RPS6KB1: variants seen among roughly 807,000 people sequenced by gnomAD.
RPS6KB1 encodes the protein ribosomal protein S6 kinase beta-1.
In RPS6KB1, 12 loss-of-function variants were observed where a neutral mutation model predicts 70.2. The ratio of observed to expected loss-of-function variants is 0.17; its 90% CI spans 0.11 to 0.28. The LOEUF (loss-of-function observed/expected upper bound fraction) is 0.28, where lower values mean the gene tolerates loss of function less well. RPS6KB1 is among the 10% of genes least tolerant of loss of function. The probability of loss-of-function intolerance (pLI) is 1.00; values close to 1 mark genes in which losing one functional copy is unlikely to be tolerated. For missense variants in RPS6KB1, 270 were observed against 646.6 expected (o/e 0.42, Z 6.32); for synonymous variants, 175 against 211.2 (o/e 0.83, Z 1.49).
At chr17:59,941,169 G>A (rs1241607754) in intron 13 of RPS6KB1, among the ~76,000 whole-genome samples, 1 of 151,220 alleles carries the variant, frequency 6.6e-6, no homozygotes, top group Non-Finnish European at 1.5e-5. Flanking sequence ...ACAAATCTTT[G>A]GAAAGTATGA....
Position 59,946,412 on chromosome 17 carries a change from CCTTTGTG to C in RPS6KB1, c.1341-136_1341-130del. 2 of 711,044 alleles carry C rather than the reference CCTTTGTG, an allele frequency of 2.8e-6. No individual in the cohort carries two copies. Among genetic ancestry groups the C allele is most frequent in the Non-Finnish European group, 4.8e-6 (2 of 416,638 alleles). 44.0% of individuals were successfully genotyped at this position (711,044 alleles called of 1,614,324 possible). A position where few individuals can be genotyped will look rare whatever the true frequency, so the allele number is the denominator to read the frequency against. ...TGGGGGAGAGATGGTTCAATTTTTGCCTTTGTGCTAATCCACGTGAAAATAAAATTAA... is the reference window on the plus strand; with the variant it reads ...TGGGGGAGAGATGGTTCAATTTTTGCCTAATCCACGTGAAAATAAAATTAA... On this transcript the variant is annotated intron_variant, in intron 14 of 14. Transcript: ENST00000225577. This position sits in a 1 kb window ranked among gnomAD's most constrained non-coding sequence, Gnocchi z 4.2.
At chr17:59,928,252 C>G (rs1272720896) in intron 5 of RPS6KB1, among the ~76,000 whole-genome samples, 4 of 151,974 alleles carry the variant, frequency 2.6e-5, no homozygotes, top group Non-Finnish European at 5.9e-5. Flanking sequence ...TTGTTTTATC[C>G]TATGTATATG....
At chr17:59,929,433 G>A (rs2043812900) in intron 5 of RPS6KB1, among the ~76,000 whole-genome samples, 2 of 152,220 alleles carry the variant, frequency 1.3e-5, no homozygotes, top group African/African-American at 4.8e-5. Flanking sequence ...AATCTTGCCT[G>A]CAACAATTAA....
At chr17:59,921,997 C>T (rs2043292313) in intron 4 of RPS6KB1, among the ~76,000 whole-genome samples, 1 of 151,148 alleles carries the variant, frequency 6.6e-6, no homozygotes, top group African/African-American at 2.4e-5. Flanking sequence ...TTTCATAGCA[C>T]TTCACCCCTA....
At chr17:59,910,680 G>A (rs1280178754) in intron 2 of RPS6KB1, 69 bp downstream of exon 2, 9 of 972,228 alleles carry the variant, frequency 9.3e-6, no homozygotes, top group Non-Finnish European at 1.3e-5. Context: ...GTTCTATTTC[G>A]TAGCAATCAT....
At chr17:59,914,797 ATTG>A (rs1044033529) in intron 4 of RPS6KB1, 94 bp downstream of exon 4, 2 of 1,012,564 alleles carry the variant, frequency 2.0e-6, no homozygotes, top group Non-Finnish European at 3.0e-6. Flanking sequence ...CATATTTTTA[ATTG>A]TTGTAACATT....
At chr17:59,927,621 C>G (rs1302783126) in intron 5 of RPS6KB1, among the ~76,000 whole-genome samples, 1 of 151,558 alleles carries the variant, frequency 6.6e-6, no homozygotes, top group Non-Finnish European at 1.5e-5. Flanking sequence ...ATTGTCCTGC[C>G]TCAGCCTCCT....
At chr17:59,927,038 C>T (rs1040209972) in intron 5 of RPS6KB1, among the ~76,000 whole-genome samples, 11 of 151,924 alleles carry the variant, frequency 7.2e-5, no homozygotes, top group African/African-American at 1.7e-4. Context: ...CCTACCACCT[C>T]GTAGGAACTT....
rs1332206672 is a variant in RPS6KB1, at chr17:59,945,609, A to C, written c.1340+91A>C. 73 of 697,018 alleles carry C rather than the reference A, an allele frequency of 1.0e-4. 1 individual carries two copies. In the South Asian group the frequency reaches 1.2e-3, roughly 11 times the overall value. The allele number at this position is 697,018 out of a possible 1,614,324, so 43.2% of individuals were successfully genotyped here. On this transcript the variant is annotated intron_variant, in intron 14 of 14. Transcript: ENST00000225577. The stretch of plus-strand genomic sequence containing the variant: ...AAGTTTATGCCAAGTTATATAAATG[A>C]AAGACTGTCATACTCTCTTTGGTTG...
At chr17:59,926,412 A>G (rs754781952) in intron 4 of RPS6KB1, 23 bp from the exon 5 acceptor site, 1 of 1,531,036 alleles carries the variant, frequency 6.5e-7, no homozygotes, top group Admixed American at 1.9e-5. Flanking sequence ...TTTTGTTCTT[A>G]TAGATGATCT....
chr17:59,938,191 G>GGC (rs1555653102), intron 12 of RPS6KB1, among the ~76,000 whole-genome samples: 4 of 143,232 alleles, frequency 2.8e-5, no homozygotes, highest in African/African-American at 7.8e-5. Flanking sequence ...TTTTGGGGGG[G>GGC]GGATAGGGTC....
chr17:59,943,926 A>G (rs1418133765), intron 13 of RPS6KB1, among the ~76,000 whole-genome samples: 1 of 140,566 alleles, frequency 7.1e-6, no homozygotes, highest in African/African-American at 2.6e-5. Flanking sequence ...ATATATACAC[A>G]CATACATACA....
chr17:59,923,593 C>T (rs892353185), intron 4 of RPS6KB1, among the ~76,000 whole-genome samples: 21 of 151,348 alleles, frequency 1.4e-4, no homozygotes, highest in African/African-American at 4.9e-4. Context: ...TCACTGCAGC[C>T]TCCACCTCCT....
intron 4 of RPS6KB1, among the ~76,000 whole-genome samples, chr17:59,914,992 C>A (rs1270868435): frequency 7.0e-6 from 1 of 142,902 alleles, no homozygotes; most frequent in African/African-American, 2.5e-5. Flanking sequence ...ATTTTCTTTT[C>A]TTTTTTTTTT....
Position 59,947,850 on chromosome 17 carries a change from A to T in RPS6KB1, c.*1062A>T, listed in dbSNP as rs938952808. 2.3e-6 allele frequency: 1 copy of T among 431,058 alleles called. No homozygotes were observed. The highest frequency in any genetic ancestry group is 4.2e-6 in the Non-Finnish European group (1 of 237,380). 26.7% of individuals were successfully genotyped at this position (431,058 alleles called of 1,614,324 possible). A position where few individuals can be genotyped will look rare whatever the true frequency, so the allele number is the denominator to read the frequency against. On this transcript the variant is annotated 3_prime_UTR_variant, in exon 15 of 15. Transcript: ENST00000225577. ...GGGGAAGAGGGTGTTGCTGTGGCCC[A>T]CTCTCTGTCTAATCTCTTTACAGCA...
intron 3 of RPS6KB1, among the ~76,000 whole-genome samples, chr17:59,913,303 T>C (rs2042754857): frequency 1.3e-5 from 2 of 152,234 alleles, no homozygotes; most frequent in Admixed American, 6.5e-5. Flanking sequence ...GACGTCACTT[T>C]TATGAGTTCT....
At chr17:59,915,287 C>A (rs1008085610) in intron 4 of RPS6KB1, among the ~76,000 whole-genome samples, 1 of 151,706 alleles carries the variant, frequency 6.6e-6, no homozygotes, top group Non-Finnish European at 1.5e-5. Context: ...CCGCACCCGG[C>A]AAAAAATGTA....
intron 4 of RPS6KB1, among the ~76,000 whole-genome samples, chr17:59,921,138 GT>G (rs1406579753): frequency 2.6e-5 from 4 of 151,978 alleles, no homozygotes; most frequent in African/African-American, 9.7e-5. Flanking sequence ...AAGAGTGCTT[GT>G]TTTTTTTCCC....
chr17:59,937,727 A>G (rs2044322107), intron 12 of RPS6KB1, among the ~76,000 whole-genome samples: 2 of 152,176 alleles, frequency 1.3e-5, no homozygotes, highest in Non-Finnish European at 2.9e-5. Flanking sequence ...CACTAATTAC[A>G]TCTGCAATAA....
Sources: allele counts gnomAD v4.1 joint callset (sites outside exome capture counted in the v4.1 genomes callset), GRCh38; gene constraint gnomAD v4.1.1; non-coding constraint Gnocchi (gnomAD v3.1); transcripts MANE v1.5; gene names NCBI Gene and HGNC (gene_info 2026-07-23, HGNC 2026-07-21).